Variants in RANBP2 observed in about 807,000 individuals in gnomAD.
RANBP2 encodes E3 SUMO-protein ligase RanBP2.
A neutral mutation model predicts 303.6 loss-of-function variants in RANBP2; 57 were observed. That is an observed-to-expected ratio of 0.19 (90% CI 0.15 to 0.23). RANBP2 has a LOEUF of 0.23. RANBP2 is among the 10% of genes least tolerant of loss of function. The probability of loss-of-function intolerance (pLI) is 1.00; values close to 1 mark genes in which losing one functional copy is unlikely to be tolerated. For missense variants in RANBP2, 3,138 were observed against 3,780.8 expected, an observed-to-expected ratio of 0.83 and a Z score of 4.46; for synonymous variants, 1,167 against 1,301.5, an observed-to-expected ratio of 0.90 and a Z score of 2.23.
the RANBP2 span, among the ~76,000 whole-genome samples, chr2:109,582,976 T>C: frequency 6.6e-6 from 1 of 152,346 alleles, no homozygotes; most frequent in East Asian, 1.9e-4. Flanking sequence ...GCTAGCCATA[T>C]GCAGAAGAAT....
chr2:108,921,094 G>A, the RANBP2 span, among the ~76,000 whole-genome samples: 5 of 152,176 alleles, frequency 3.3e-5, no homozygotes, highest in Non-Finnish European at 5.9e-5. Flanking sequence ...GCTCCCCTGC[G>A]AATCACCCCC....
At chr2:109,129,974 C>T in the RANBP2 span, 22 of 1,326,274 alleles carry the variant, frequency 1.7e-5, no homozygotes, top group Non-Finnish European at 1.2e-5. Flanking sequence ...GGCCAGAGTG[C>T]GGCCCCCACG....
chr2:109,346,199 G>A, the RANBP2 span, among the ~76,000 whole-genome samples: 2 of 151,716 alleles, frequency 1.3e-5, no homozygotes, highest in Non-Finnish European at 1.5e-5. Context: ...TTTTCTCTTC[G>A]AGTTCTGCAA....
the RANBP2 span, chr2:109,565,797 GA>G: frequency 6.2e-7 from 1 of 1,613,984 alleles, no homozygotes. Flanking sequence ...GGCGAGCTTT[GA>G]CCATCTTGTT....
At chr2:109,443,226 T>A in the RANBP2 span, among the ~76,000 whole-genome samples, 1 of 152,378 alleles carries the variant, frequency 6.6e-6, no homozygotes, top group East Asian at 1.9e-4. Context: ...AAAATGAGGT[T>A]CAGAAGGATT....
At chr2:109,488,898 A>C in the RANBP2 span, among the ~76,000 whole-genome samples, 49 of 152,358 alleles carry the variant, frequency 3.2e-4, no homozygotes, top group Non-Finnish European at 6.6e-4. Context: ...CTGCAAGCCC[A>C]GTAGCGGAGT....
At chr2:109,336,559 G>A in the RANBP2 span, among the ~76,000 whole-genome samples, 1 of 152,246 alleles carries the variant, frequency 6.6e-6, no homozygotes, top group Non-Finnish European at 1.5e-5. Flanking sequence ...CAGTTTCCAA[G>A]GGAGGAGGAT....
At chr2:109,684,708 A>G in the RANBP2 span, among the ~76,000 whole-genome samples, 1 of 143,504 alleles carries the variant, frequency 7.0e-6, no homozygotes, top group Admixed American at 7.1e-5. Flanking sequence ...TACTTCTTGT[A>G]TTTTTTAGTA....
At chr2:109,319,546 G>C in the RANBP2 span, among the ~76,000 whole-genome samples, 2 of 152,214 alleles carry the variant, frequency 1.3e-5, no homozygotes, top group Non-Finnish European at 2.9e-5. Context: ...GAGTGAGAGG[G>C]GGCTCACAGG....
the RANBP2 span, among the ~76,000 whole-genome samples, chr2:109,540,709 G>A: frequency 6.7e-6 from 1 of 149,920 alleles, no homozygotes; most frequent in African/African-American, 2.5e-5. Flanking sequence ...CCTAAGGCAG[G>A]AGGACTGCTG....
At chr2:109,043,526 GGTTTTACTAT>G in the RANBP2 span, among the ~76,000 whole-genome samples, 1 of 151,990 alleles carries the variant, frequency 6.6e-6, no homozygotes, top group African/African-American at 2.4e-5. Context: ...TATTTTTCAG[GGTTTTACTAT>G]GTTGGCCAGG....
intron 8 of RANBP2, among the ~76,000 whole-genome samples, chr2:108,748,613 G>A (rs903369175): frequency 2.6e-5 from 4 of 152,084 alleles, no homozygotes; most frequent in Admixed American, 2.6e-4. Flanking sequence ...GTTTGTCCCT[G>A]TTCTCCTATG....
At chr2:109,269,442 C>A in the RANBP2 span, among the ~76,000 whole-genome samples, 3 of 152,186 alleles carry the variant, frequency 2.0e-5, no homozygotes, top group Non-Finnish European at 4.4e-5. Context: ...CTTTAAGAAT[C>A]CAGCCCCCCT....
the RANBP2 span, among the ~76,000 whole-genome samples, chr2:109,033,346 G>C: frequency 6.6e-6 from 1 of 152,306 alleles, no homozygotes; most frequent in South Asian, 2.1e-4. Context: ...TGTGCCCTCG[G>C]AAGCAGAGGC....
chr2:108,750,555 A>ACCTTT (rs1314861720), intron 9 of RANBP2, among the ~76,000 whole-genome samples: 2 of 99,640 alleles, frequency 2.0e-5, no homozygotes, highest in Non-Finnish European at 5.0e-5. Flanking sequence ...GAAGCACATA[A>ACCTTT]CCTTTTCTTT....
At chr2:109,207,850 G>C in the RANBP2 span, among the ~76,000 whole-genome samples, 1 of 152,082 alleles carries the variant, frequency 6.6e-6, no homozygotes, top group Non-Finnish European at 1.5e-5. Flanking sequence ...ACCTCATATT[G>C]TTTGGGGACC....
chr2:108,834,645 A>G, the RANBP2 span, among the ~76,000 whole-genome samples: 1 of 152,226 alleles, frequency 6.6e-6, no homozygotes, highest in African/African-American at 2.4e-5. Context: ...TAAATGTACA[A>G]TTTAGTGGCA....
chr2:108,769,154 A>G (rs2889848), intron 20 of RANBP2: 4 of 935,610 alleles, frequency 4.3e-6, no homozygotes, highest in Admixed American at 1.2e-4. Flanking sequence ...ATGTAAGACA[A>G]TCAGATTGGT....
chr2:108,775,780 G>C lies in RANBP2; in HGVS notation c.8341G>C (p.Gly2781Arg), dbSNP rs375524401. Residue 2781 changes from glycine to arginine, a missense_variant, in exon 24 of 29, where the codon GGT becomes CGT. Transcript: ENST00000283195. ...ITSTTDSVYT[G>R]GTEVMVPSFC... ...TAGCACAACTGACAGTGTATATACA[G>C]GTGGGACTGAAGTGATGGTACCTTC... The C allele has an allele frequency of 7.4e-6, 12 of 1,613,846 alleles. No homozygotes were observed. Among genetic ancestry groups the C allele is most frequent in the East Asian group, 4.5e-5 (2 of 44,806 alleles).
Sources: gnomAD v4.1 joint callset for allele counts (sites outside exome capture counted in the v4.1 genomes callset) on GRCh38, gnomAD v4.1.1 for gene constraint, MANE v1.5 for transcripts, NCBI Gene and HGNC (gene_info 2026-07-23, HGNC 2026-07-21) for gene names.